Variants in MGAT5B observed in about 807,000 individuals in gnomAD.
The protein encoded by MGAT5B is alpha-1,6-mannosylglycoprotein 6-beta-N-acetylglucosaminyltransferase B, also known as N-acetylglucosaminyl-transferase Vb.
Under a neutral mutation model 95.1 loss-of-function variants are expected in MGAT5B, and 54 were observed. That is an observed-to-expected ratio of 0.57 (90% CI 0.46 to 0.71). The LOEUF (loss-of-function observed/expected upper bound fraction) is 0.71, where lower values mean the gene tolerates loss of function less well. MGAT5B is among the 30% of genes least tolerant of loss of function. MGAT5B has a pLI of 0.00. For missense variants in MGAT5B, 935 were observed against 1,088.6 expected (o/e 0.86, Z 1.99); for synonymous variants, 464 against 451.0 (o/e 1.03, Z -0.36).
rs1445293397 is a variant in MGAT5B, at chr17:76,948,661, C to T, written c.2202C>T (p.Ser734=). 1.9e-6 allele frequency: 3 copies of T among 1,612,672 alleles called. No homozygotes were observed. Among genetic ancestry groups the T allele is most frequent in the East Asian group, 2.2e-5 (1 of 44,826 alleles). ...AFLKLQVPCD[S]TESEMNHLYP... is the part of the protein sequence containing the mutation. ...CCAGGCTGCAGGTGCCCTGTGACAG[C>T]ACCGAGTCGGAGATGAACCACCTGT... Residue 734 remains serine (S), a synonymous_variant, in exon 18 of 18, where the codon AGC becomes AGT. Transcript: ENST00000569840.
intron 9 of MGAT5B, 138 bp from the exon 10 acceptor site, chr17:76,926,459 C>T: frequency 1.2e-6 from 1 of 803,194 alleles, no homozygotes; most frequent in South Asian, 1.8e-5. Context: ...GGGCAGTGTC[C>T]TAGTCCAAGT....
chr17:76,872,686 G>A (rs1967050356), intron 1 of MGAT5B, 165 bp from the exon 2 acceptor site: 1 of 1,532,502 alleles, frequency 6.5e-7, no homozygotes, highest in African/African-American at 1.4e-5. Context: ...TCCTATAGTG[G>A]GGGGGCCCTC....
chr17:76,933,814 G>A (rs115376897), intron 12 of MGAT5B, among the ~76,000 whole-genome samples: 2 of 152,304 alleles, frequency 1.3e-5, no homozygotes, highest in African/African-American at 2.4e-5. Flanking sequence ...TTCAGAGGTC[G>A]GGAGGGCTGG....
chr17:76,912,620 C>G lies in MGAT5B; in HGVS notation c.1025+6433C>G, dbSNP rs554876416. Among the ~76,000 whole-genome samples the G allele has an allele frequency of 6.6e-6, 1 of 152,156 alleles. No individual in the cohort carries two copies. Among genetic ancestry groups the G allele is most frequent in the Admixed American group, 6.5e-5 (1 of 15,296 alleles). On this transcript the variant is annotated intron_variant, in intron 8 of 17. Transcript: ENST00000569840. This position sits in a 1 kb window ranked among gnomAD's most constrained non-coding sequence, Gnocchi z 5.0. Reference sequence around the variant, plus strand: ...GGACGGATGAGCCGGTCCCGCTCTGCTCCTCGGGTCTCGGTGTTTCAATTA... The same window carrying G: ...GGACGGATGAGCCGGTCCCGCTCTGGTCCTCGGGTCTCGGTGTTTCAATTA...
At position 76,940,422 on chromosome 17, in the gene MGAT5B, C is replaced by A; in HGVS notation, c.1605C>A (p.Phe535Leu). Residue 535 changes from phenylalanine to leucine, a missense_variant, in exon 14 of 18, where the codon TTC becomes TTA. This residue lies in a region of MGAT5B where 440 missense variants were observed against 523.6 expected (regional missense o/e 0.84). Coordinates refer to ENST00000569840, the MANE Select transcript of MGAT5B (RefSeq NM_001199172.2). The surrounding 1 kb of genome is among the most constrained non-coding windows in gnomAD (Gnocchi z 4.3). Reference protein sequence around the residue: ...RKAKLFIGFGFPYEGPAPLEA... With the variant: ...RKAKLFIGFGLPYEGPAPLEA... The stretch of plus-strand genomic sequence containing the variant: ...TGCAGCTCTTCATCGGGTTTGGCTT[C>A]CCCTACGAGGGCCCCGCCCCCCTGG... 6.2e-7 allele frequency: 1 copy of A among 1,610,304 alleles called. No homozygotes were observed. Among genetic ancestry groups the A allele is most frequent in the South Asian group, 1.1e-5 (1 of 90,470 alleles).
intron 8 of MGAT5B, among the ~76,000 whole-genome samples, chr17:76,920,574 A>G (rs1969094846): frequency 6.6e-6 from 1 of 152,196 alleles, no homozygotes; most frequent in South Asian, 2.1e-4. Flanking sequence ...TCTTCTGATA[A>G]GAGCAATGAG....
chr17:76,898,157 C>T (rs1049477496), intron 3 of MGAT5B, among the ~76,000 whole-genome samples: 1 of 152,124 alleles, frequency 6.6e-6, no homozygotes, highest in Middle Eastern at 3.4e-3. Flanking sequence ...TGGACAGATT[C>T]GCCTACCAAG....
At chr17:76,910,767 G>A (rs1176935335) in intron 8 of MGAT5B, among the ~76,000 whole-genome samples, 1 of 152,224 alleles carries the variant, frequency 6.6e-6, no homozygotes, top group Non-Finnish European at 1.5e-5. Context: ...TTTGCAGTTT[G>A]TTAAATGGGC....
chr17:76,937,952 G>T (rs764958225), intron 12 of MGAT5B, 36 bp from the exon 13 acceptor site: 3 of 1,607,086 alleles, frequency 1.9e-6, no homozygotes, highest in South Asian at 1.1e-5. Flanking sequence ...TCTGTGGTTT[G>T]CATGTGGTTC....
chr17:76,908,278 T>C (rs1170131081), intron 8 of MGAT5B, among the ~76,000 whole-genome samples: 8 of 144,932 alleles, frequency 5.5e-5, no homozygotes, highest in Non-Finnish European at 1.2e-4. Context: ...CTTTCTTCTT[T>C]TTTTTTTTTT....
In MGAT5B at chr17:76,940,116, T is replaced by C. The variant is rs1244986657; in HGVS notation, c.1585-286T>C. ...TCCACAATCATAAATCATAGCCTGA[T>C]AGAGCAAGAAGAGACCATTGATAAT... is the stretch of plus-strand genomic sequence containing the variant. On this transcript the variant is annotated intron_variant, in intron 13 of 17. Coordinates refer to ENST00000569840, the MANE Select transcript of MGAT5B (RefSeq NM_001199172.2). The surrounding 1 kb of genome is among the most constrained non-coding windows in gnomAD (Gnocchi z 4.3). Among the ~76,000 whole-genome samples the C allele has an allele frequency of 6.6e-6, 1 of 152,168 alleles. No homozygotes were observed. The highest frequency in any genetic ancestry group is 1.5e-5 in the Non-Finnish European group (1 of 68,020).
At position 76,940,673 on chromosome 17, in the gene MGAT5B, T is replaced by C. The variant is rs908279418; in HGVS notation, c.1732-59T>C. On this transcript the variant is annotated intron_variant, in intron 14 of 17. Coordinates refer to ENST00000569840, the MANE Select transcript of MGAT5B (RefSeq NM_001199172.2). The surrounding 1 kb of genome is among the most constrained non-coding windows in gnomAD (Gnocchi z 4.3). ...AGGACAAGTGTATGGGGTACCTTTC[T>C]TTGTCCCTGTCCCACTGGCAGGCAC... is the stretch of plus-strand genomic sequence containing the variant. 1 of 1,603,012 alleles carries C rather than the reference T, an allele frequency of 6.2e-7. No individual in the cohort carries two copies. Among genetic ancestry groups the C allele is most frequent in the Non-Finnish European group, 8.5e-7 (1 of 1,172,002 alleles).
chr17:76,879,258 C>T (rs1397967457), intron 2 of MGAT5B, among the ~76,000 whole-genome samples: 2 of 152,114 alleles, frequency 1.3e-5, no homozygotes, highest in Non-Finnish European at 1.5e-5. Flanking sequence ...AGTAGTGCAG[C>T]AGGCAGGGTG....
intron 3 of MGAT5B, among the ~76,000 whole-genome samples, chr17:76,893,021 T>A (rs1238682345): frequency 6.6e-6 from 1 of 152,126 alleles, no homozygotes; most frequent in Non-Finnish European, 1.5e-5. Flanking sequence ...AGGCCTTTCT[T>A]TCTAATGTGT....
rs1970144490 is a variant in MGAT5B, at chr17:76,949,581, G to GC, written c.*744dup. The GC allele has an allele frequency of 6.6e-6, 1 of 152,012 alleles. No homozygotes were observed. Among genetic ancestry groups the GC allele is most frequent in the Non-Finnish European group, 1.5e-5 (1 of 68,056 alleles). 9.4% of individuals were successfully genotyped at this position (152,012 alleles called of 1,614,324 possible). A position where few individuals can be genotyped will look rare whatever the true frequency, so the allele number is the denominator to read the frequency against. On this transcript the variant is annotated 3_prime_UTR_variant, in exon 18 of 18. Transcript: ENST00000569840. ...CCTGGTTGAATTGTTTCTCTCTCCT[G>GC]CTTGTTCCAACCCTTTTCACTCTGG...
At chr17:76,924,331 G>A (rs1030029388) in intron 8 of MGAT5B, 1 of 152,534 alleles carries the variant, frequency 6.6e-6, no homozygotes, top group Non-Finnish European at 1.5e-5. Flanking sequence ...GATGGCAGAG[G>A]GGCACCACCC....
chr17:76,900,266 G>A (rs1968257503), intron 3 of MGAT5B, among the ~76,000 whole-genome samples: 1 of 152,186 alleles, frequency 6.6e-6, no homozygotes, highest in African/African-American at 2.4e-5. Context: ...AAATGAAGCA[G>A]GTAGCTTTTA....
intron 12 of MGAT5B, among the ~76,000 whole-genome samples, chr17:76,935,368 T>C (rs1273488548): frequency 8.1e-6 from 1 of 123,700 alleles, no homozygotes; most frequent in Non-Finnish European, 1.8e-5. Context: ...TTCTCCTGGG[T>C]AAATGCCCAA....
intron 15 of MGAT5B, 198 bp from the exon 16 acceptor site, chr17:76,946,178 C>T (rs12947513): frequency 0.1 from 52,053 of 512,108 alleles, 3,034 homozygotes; most frequent in Middle Eastern, 0.14. Context: ...GCCTGAGTCC[C>T]GGAGGGCTAC....
Sources: allele counts gnomAD v4.1 joint callset (sites outside exome capture counted in the v4.1 genomes callset), GRCh38; gene constraint gnomAD v4.1.1; regional missense constraint gnomAD v4.1.1; non-coding constraint Gnocchi (gnomAD v3.1); transcripts MANE v1.5; gene names NCBI Gene and HGNC (gene_info 2026-07-23, HGNC 2026-07-21).